Variants in PPP1R16B observed in about 807,000 individuals in gnomAD.
PPP1R16B encodes protein phosphatase 1 regulatory inhibitor subunit 16B.
A neutral mutation model predicts 61.7 loss-of-function variants in PPP1R16B; 14 were observed. The observed-to-expected ratio is 0.23, with a 90% CI of 0.15 to 0.35. The LOEUF is 0.35. PPP1R16B is among the 10% of genes least tolerant of loss of function. PPP1R16B has a pLI of 1.00. For missense variants in PPP1R16B, 547 were observed against 752.5 expected (o/e 0.73, Z 3.19); for synonymous variants, 266 against 305.3 (o/e 0.87, Z 1.34).
chr20:38,813,264 G>A (rs1307576080), intron 1 of PPP1R16B, among the ~76,000 whole-genome samples: 1 of 152,218 alleles, frequency 6.6e-6, no homozygotes, highest in East Asian at 1.9e-4. Context: ...AGAATGATGA[G>A]CTTTGAGTAC....
intron 4 of PPP1R16B, among the ~76,000 whole-genome samples, 169 bp from the exon 5 acceptor site, chr20:38,900,412 G>A (rs907821055): frequency 6.6e-6 from 1 of 152,186 alleles, no homozygotes; most frequent in Non-Finnish European, 1.5e-5. Context: ...TCGTGCTCTT[G>A]GGCTGTGTGT....
intron 2 of PPP1R16B, among the ~76,000 whole-genome samples, chr20:38,855,943 T>TATATATAGAG (rs1555804333): frequency 1.3e-4 from 2 of 15,058 alleles, no homozygotes; most frequent in Admixed American, 9.3e-4. Context: ...TATATATATA[T>TATATATAGAG]AGAGAGAGAG....
chr20:38,810,007 C>CAA (rs2084689889), intron 1 of PPP1R16B, among the ~76,000 whole-genome samples: 2 of 99,422 alleles, frequency 2.0e-5, no homozygotes, highest in Non-Finnish European at 2.1e-5. Flanking sequence ...AAAAAAAAAA[C>CAA]AAAACCAAAA....
chr20:38,809,980 G>C (rs1028734938), intron 1 of PPP1R16B, among the ~76,000 whole-genome samples: 2 of 37,748 alleles, frequency 5.3e-5, no homozygotes, highest in African/African-American at 2.3e-4. Context: ...GTAAGACCTT[G>C]TTTCGAAAAA....
At position 38,819,693 on chromosome 20, in the gene PPP1R16B, C is replaced by G. The variant is rs1015397710; in HGVS notation, c.-102+13901C>G. 1.3e-5 allele frequency among the ~76,000 whole-genome samples: 2 copies of G among 151,912 alleles called. 1 individual carries two copies. The highest frequency in any genetic ancestry group is 4.2e-4 in the South Asian group (2 of 4,810). On this transcript the variant is annotated intron_variant, in intron 1 of 10. Transcript: ENST00000299824. ...AGTGGTTCTTGGGTGCACATGAGAC[C>G]CACCTGGGGAGCTTTTAAAAACGTC...
Position 38,905,984 on chromosome 20 carries a change from G to A in PPP1R16B, c.712G>A (p.Ala238Thr), listed in dbSNP as rs1418477961. ...TCTCCTCCAGCTGCACATAGCTGGAGCCAATGGATACCTGCGGGCAGCTGA... is the reference window on the plus strand; with the variant it reads ...TCTCCTCCAGCTGCACATAGCTGGAACCAATGGATACCTGCGGGCAGCTGA... ...QGATLLHIAG[A>T]NGYLRAAELL... Residue 238 changes from alanine (A) to threonine (T), a missense_variant, in exon 7 of 11, where the codon GCC becomes ACC. By Grantham distance (58) the Ala-to-Thr change is moderately conservative. Coordinates refer to ENST00000299824, the MANE Select transcript of PPP1R16B (RefSeq NM_015568.4). 6.8e-6 allele frequency: 11 copies of A among 1,613,370 alleles called. No homozygotes were observed. The highest frequency in any genetic ancestry group is 1.3e-5 in the African/African-American group (1 of 75,012).
chr20:38,914,849 G>A (rs918203157), intron 10 of PPP1R16B, among the ~76,000 whole-genome samples: 11 of 152,112 alleles, frequency 7.2e-5, no homozygotes, highest in African/African-American at 2.4e-4. Flanking sequence ...AAATATTTGG[G>A]TAGTGATGAG....
At chr20:38,878,067 C>T (rs952290585) in intron 2 of PPP1R16B, among the ~76,000 whole-genome samples, 5 of 143,096 alleles carry the variant, frequency 3.5e-5, no homozygotes, top group African/African-American at 7.8e-5. Flanking sequence ...CATCTTGCTT[C>T]GTGATTTGTG....
At chr20:38,910,863 C>T (rs982619081) in intron 10 of PPP1R16B, among the ~76,000 whole-genome samples, 1 of 151,954 alleles carries the variant, frequency 6.6e-6, no homozygotes, top group Non-Finnish European at 1.5e-5. Flanking sequence ...GGCATGGTGG[C>T]ACGCGTCTGT....
At chr20:38,911,318 C>T (rs2085488118) in intron 10 of PPP1R16B, among the ~76,000 whole-genome samples, 1 of 151,344 alleles carries the variant, frequency 6.6e-6, no homozygotes, top group South Asian at 2.1e-4. Context: ...AGGTGCCCAC[C>T]ATCACGCCCA....
At chr20:38,848,076 T>C (rs185779431) in intron 2 of PPP1R16B, among the ~76,000 whole-genome samples, 9 of 152,338 alleles carry the variant, frequency 5.9e-5, no homozygotes, top group African/African-American at 1.2e-4. Context: ...TATCTATGGC[T>C]GCTTTCACAT....
intron 2 of PPP1R16B, among the ~76,000 whole-genome samples, chr20:38,869,877 A>G (rs2085115047): frequency 6.6e-6 from 1 of 151,416 alleles, no homozygotes; most frequent in South Asian, 2.1e-4. Flanking sequence ...CCACATAAAG[A>G]TGGACCTGTC....
chr20:38,882,831 C>T (rs1018513921), intron 2 of PPP1R16B, among the ~76,000 whole-genome samples: 3 of 152,140 alleles, frequency 2.0e-5, no homozygotes, highest in African/African-American at 4.8e-5. Context: ...GAAGAGTTTG[C>T]CAGCCCAAGA....
intron 1 of PPP1R16B, among the ~76,000 whole-genome samples, chr20:38,807,841 C>A (rs2145699322): frequency 6.6e-6 from 1 of 152,278 alleles, no homozygotes; most frequent in Admixed American, 6.5e-5. Flanking sequence ...TGGTCTCCTA[C>A]CACCGTGACA....
chr20:38,841,568 C>A (rs1271632804), intron 2 of PPP1R16B, among the ~76,000 whole-genome samples: 1 of 152,092 alleles, frequency 6.6e-6, no homozygotes, highest in Admixed American at 6.6e-5. Flanking sequence ...CAAAAAGAAG[C>A]CTCATGCCCA....
chr20:38,874,784 T>C (rs2085154423), intron 2 of PPP1R16B, among the ~76,000 whole-genome samples: 1 of 152,190 alleles, frequency 6.6e-6, no homozygotes, highest in South Asian at 2.1e-4. Flanking sequence ...GGAGCAAGCA[T>C]GGGTCAAGTG....
At chr20:38,866,917 C>G (rs936834167) in intron 2 of PPP1R16B, among the ~76,000 whole-genome samples, 1 of 152,184 alleles carries the variant, frequency 6.6e-6, no homozygotes, top group African/African-American at 2.4e-5. Context: ...GCAGTCACTC[C>G]CCAGTTTCCT....
At chr20:38,823,008 G>A (rs951632293) in intron 1 of PPP1R16B, among the ~76,000 whole-genome samples, 1 of 152,164 alleles carries the variant, frequency 6.6e-6, no homozygotes, top group Non-Finnish European at 1.5e-5. Flanking sequence ...AAATACAACC[G>A]GTGAGAGGGA....
chr20:38,916,298 A>T (rs1224458326), intron 10 of PPP1R16B, among the ~76,000 whole-genome samples: 4 of 147,908 alleles, frequency 2.7e-5, no homozygotes, highest in Non-Finnish European at 5.9e-5. Context: ...TATATAACAT[A>T]TATATGTTAT....
Sources: allele counts gnomAD v4.1 joint callset (sites outside exome capture counted in the v4.1 genomes callset), GRCh38; gene constraint gnomAD v4.1.1; transcripts MANE v1.5; gene names NCBI Gene and HGNC (gene_info 2026-07-23, HGNC 2026-07-21).